The following SPATA31C1 variants were observed in gnomAD, a reference collection of about 807,000 sequenced individuals.
SPATA31C1 encodes the protein SPATA31 subfamily C member 1.
At chr9:87,919,747 G>A (rs1219527050) in intron 3 of SPATA31C1, among the ~76,000 whole-genome samples, 169 bp from the exon 3 acceptor site, 6 of 128,528 alleles carry the variant, frequency 4.7e-5, no homozygotes, top group African/African-American at 8.5e-5. Context: ...GAATGACAAA[G>A]CCCTGTCCTC....
exon 5 of SPATA31C1, chr9:87,922,188 G>T (rs749535251): frequency 6.2e-7 from 1 of 1,613,240 alleles, no homozygotes; most frequent in South Asian, 1.1e-5. Flanking sequence ...AAATGATCAT[G>T]GGTCCTTGAA....
At chr9:87,921,773 C>T in exon 5 of SPATA31C1, 1 of 1,612,048 alleles carries the variant, frequency 6.2e-7, no homozygotes, top group Non-Finnish European at 8.5e-7. Flanking sequence ...ACGTGAAAAC[C>T]AGCAATCTAG....
exon 5 of SPATA31C1, chr9:87,922,264 G>A (rs746056401): frequency 2.5e-6 from 4 of 1,612,866 alleles, no homozygotes; most frequent in Non-Finnish European, 3.4e-6. Flanking sequence ...CTCAAAGGCA[G>A]CACCCAGCAG....
exon 5 of SPATA31C1, chr9:87,920,650 C>T: frequency 6.2e-7 from 1 of 1,613,932 alleles, no homozygotes; most frequent in East Asian, 2.2e-5. Context: ...ACTCTGTTAA[C>T]ACCATCTCAC....
exon 5 of SPATA31C1, chr9:87,922,066 G>C: frequency 1.9e-6 from 3 of 1,613,986 alleles, no homozygotes; most frequent in Non-Finnish European, 2.5e-6. Context: ...CCAATGGCAA[G>C]TCTGAGAAAG....
chr9:87,922,794 G>A (rs755761027), exon 5 of SPATA31C1: 5 of 1,606,130 alleles, frequency 3.1e-6, no homozygotes, highest in Admixed American at 3.4e-5. Flanking sequence ...TCACAAGAGG[G>A]AGAACTCTAG....
At chr9:87,920,158 G>A in intron 4 of SPATA31C1, 94 bp from the exon 4 acceptor site, 2 of 1,601,766 alleles carry the variant, frequency 1.2e-6, no homozygotes, top group Non-Finnish European at 1.7e-6. Context: ...TGGAGAGGGT[G>A]TGGCGTGGTG....
At chr9:87,919,188 A>C in intron 2 of SPATA31C1, 67 bp from the exon 2 acceptor site, 1 of 1,593,338 alleles carries the variant, frequency 6.3e-7, no homozygotes, top group Non-Finnish European at 8.6e-7. Context: ...TCATGAGTGC[A>C]GCGTGCTGCG....
At chr9:87,915,294 TGTGTGTGC>T (rs1828690809) in intron 1 of SPATA31C1, among the ~76,000 whole-genome samples, 1 of 129,342 alleles carries the variant, frequency 7.7e-6, no homozygotes, top group Non-Finnish European at 1.7e-5. Flanking sequence ...AAAATCCCTG[TGTGTGTGC>T]GTGTGTGTTT....
chr9:87,919,071 CCT>C lies in SPATA31C1; in HGVS notation n.523-217_523-216del, dbSNP rs766937102. Reference sequence around the variant, plus strand: ...AGGCGTGAGCCACCGCACCCGACCCCCTCTTCCTGTTTTTCTAAGAAAAGCAG... The same window carrying C: ...AGGCGTGAGCCACCGCACCCGACCCCCTTCCTGTTTTTCTAAGAAAAGCAG... On this transcript the variant is annotated intron_variant and non_coding_transcript_variant, in intron 2 of 4. Coordinates refer to ENST00000420021, the Ensembl canonical transcript of SPATA31C1. The C allele has an allele frequency of 1.3e-3, 1,321 of 992,688 alleles. 3 individuals carry two copies. The highest frequency in any genetic ancestry group is 1.5e-3 in the Middle Eastern group (6 of 4,008). 61.5% of individuals were successfully genotyped at this position (992,688 alleles called of 1,614,324 possible).
exon 5 of SPATA31C1, chr9:87,923,034 A>G: frequency 3.8e-6 from 6 of 1,596,522 alleles, no homozygotes; most frequent in Non-Finnish European, 5.1e-6. Flanking sequence ...TGAGAGCCAA[A>G]AAACAGTAAA....
chr9:87,920,755 G>A (rs771542609), exon 5 of SPATA31C1: 7 of 1,613,958 alleles, frequency 4.3e-6, no homozygotes, highest in Non-Finnish European at 5.9e-6. Flanking sequence ...TCAGGCCTTG[G>A]CGGCTCAAAC....
chr9:87,917,307 C>T (rs1315834885), intron 1 of SPATA31C1, among the ~76,000 whole-genome samples: 3 of 146,448 alleles, frequency 2.0e-5, no homozygotes, highest in African/African-American at 7.3e-5. Flanking sequence ...GTCCCAGCTA[C>T]TCAGGAGGCT....
chr9:87,916,121 A>C (rs1392224892), intron 1 of SPATA31C1, among the ~76,000 whole-genome samples: 1 of 143,824 alleles, frequency 7.0e-6, no homozygotes, highest in African/African-American at 2.5e-5. Context: ...TATCTGGCTA[A>C]ACTGACCTCA....
chr9:87,920,975 G>T, exon 5 of SPATA31C1: 1 of 1,612,960 alleles, frequency 6.2e-7, no homozygotes. Context: ...CTATGGCTCA[G>T]GCCGAGGCTC....
At chr9:87,920,545 C>G (rs771700492) in exon 5 of SPATA31C1, 3 of 1,613,828 alleles carry the variant, frequency 1.9e-6, no homozygotes, top group South Asian at 2.2e-5. Context: ...CCCGAGCCAC[C>G]TGCACTTTTC....
exon 5 of SPATA31C1, chr9:87,923,364 T>C (rs1828934622): frequency 3.1e-6 from 5 of 1,602,554 alleles, no homozygotes; most frequent in African/African-American, 1.3e-5. Context: ...CAATGAGCAA[T>C]GGGGCCTGCG....
rs1311066869 is a variant in SPATA31C1 at position 87,920,455 on chromosome 9, C to G, written n.845C>G. 3.1e-6 allele frequency: 5 copies of G among 1,613,986 alleles called. No individual in the cohort carries two copies. In the South Asian group the frequency reaches 5.5e-5, roughly 18 times the overall value. On this transcript the variant is annotated non_coding_transcript_exon_variant, in exon 5 of 5. Transcript: ENST00000420021. The stretch of plus-strand genomic sequence containing the variant: ...CAGGATCTGGCCTCCACCCCACCAC[C>G]AGGCCCAATGACCACCTCAGTCTCC...
exon 5 of SPATA31C1, chr9:87,921,557 T>C: frequency 6.2e-7 from 1 of 1,611,992 alleles, no homozygotes; most frequent in Non-Finnish European, 8.5e-7. Context: ...GGGCGACCTC[T>C]GAGGAGTCAG....
Sources: gnomAD v4.1 joint callset for allele counts (sites outside exome capture counted in the v4.1 genomes callset) on GRCh38, gnomAD v4.1.1 for gene constraint, MANE v1.5 for transcripts, NCBI Gene and HGNC (gene_info 2026-07-23, HGNC 2026-07-21) for gene names.